TNNI3K: variants seen among roughly 807,000 people sequenced by gnomAD.
TNNI3K encodes the protein serine/threonine-protein kinase TNNI3K.
A neutral mutation model predicts 114.5 loss-of-function variants in TNNI3K; 140 were observed. The ratio of observed to expected loss-of-function variants is 1.22; its 90% CI spans 1.07 to 1.41. TNNI3K has a LOEUF of 1.41. Among genes scored for constraint, TNNI3K ranks in the 40% most tolerant of loss-of-function variants. The pLI is 0.00. For synonymous variants in TNNI3K, 347 were observed against 347.5 expected (o/e 1.00, Z 0.02); for missense variants, 1,125 against 1,007.6 (o/e 1.12, Z -1.58).
At chr1:74,284,846 C>T (rs1004698901) in intron 5 of TNNI3K, among the ~76,000 whole-genome samples, 1 of 152,228 alleles carries the variant, frequency 6.6e-6, no homozygotes, top group Non-Finnish European at 1.5e-5. Context: ...TGGGCTAACT[C>T]CTTCAGCTCT....
chr1:74,442,077 G>C (rs1362743149), intron 20 of TNNI3K, among the ~76,000 whole-genome samples: 1 of 151,718 alleles, frequency 6.6e-6, no homozygotes, highest in Non-Finnish European at 1.5e-5. Flanking sequence ...AAGTCTTACA[G>C]GTTTAGGTTT....
chr1:74,499,810 T>C (rs1365032996), intron 23 of TNNI3K, among the ~76,000 whole-genome samples: 2 of 152,282 alleles, frequency 1.3e-5, no homozygotes, highest in Admixed American at 1.3e-4. Context: ...ATTTAGATGT[T>C]CTTTAATATC....
intron 17 of TNNI3K, among the ~76,000 whole-genome samples, chr1:74,391,973 T>A (rs1457699802): frequency 2.8e-5 from 4 of 143,360 alleles, no homozygotes; most frequent in Non-Finnish European, 6.1e-5. Context: ...TTTTTTTTTT[T>A]TTTTTTTTTT....
intron 11 of TNNI3K, among the ~76,000 whole-genome samples, chr1:74,359,511 T>G (rs1661841262): frequency 6.6e-6 from 1 of 152,004 alleles, no homozygotes; most frequent in Admixed American, 6.6e-5. Context: ...TAAAAGTGTG[T>G]GTTGTTTTGT....
chr1:74,240,564 A>G (rs1473261421), intron 2 of TNNI3K: 3 of 152,174 alleles, frequency 2.0e-5, no homozygotes, highest in African/African-American at 7.2e-5. Context: ...ATATTATACA[A>G]CCTTTTTGAA....
In TNNI3K at chr1:74,527,577, C is replaced by T. The variant is rs559157976; in HGVS notation, c.2352-12657C>T. On this transcript the variant is annotated intron_variant, in intron 23 of 24. Coordinates refer to ENST00000326637, the MANE Select transcript of TNNI3K (RefSeq NM_015978.3). Reference sequence around the variant, plus strand: ...TGGTGGATAGGGAGGGGAGACAGGGCAGACAGGGACAAGATGAAGTTCCAG... The same window carrying T: ...TGGTGGATAGGGAGGGGAGACAGGGTAGACAGGGACAAGATGAAGTTCCAG... Among the ~76,000 whole-genome samples, 9 of 152,196 alleles carry T rather than the reference C, an allele frequency of 5.9e-5. No homozygotes were observed. In the East Asian group the frequency reaches 1.7e-3, roughly 29 times the overall value.
At chr1:74,369,639 G>T in intron 16 of TNNI3K, 54 bp downstream of exon 16, 1 of 1,506,088 alleles carries the variant, frequency 6.6e-7, no homozygotes. Context: ...AACTACTCTT[G>T]CAATACTTCA....
At chr1:74,412,836 A>G (rs1335692475) in intron 17 of TNNI3K, among the ~76,000 whole-genome samples, 2 of 151,960 alleles carry the variant, frequency 1.3e-5, no homozygotes, top group Non-Finnish European at 2.9e-5. Context: ...CTGGCGTCGA[A>G]CTCCTGACCT....
At chr1:74,290,201 A>T (rs1055826717) in intron 5 of TNNI3K, among the ~76,000 whole-genome samples, 2 of 97,732 alleles carry the variant, frequency 2.0e-5, no homozygotes, top group Admixed American at 1.4e-4. Context: ...GTATTTTGCC[A>T]TTCTATATTT....
intron 4 of TNNI3K, among the ~76,000 whole-genome samples, chr1:74,261,388 G>A (rs2100871760): frequency 6.6e-6 from 1 of 152,124 alleles, no homozygotes; most frequent in South Asian, 2.1e-4. Flanking sequence ...ATGAACTGAA[G>A]CCGCCAGTGT....
At chr1:74,516,432 A>G (rs1174302028) in intron 23 of TNNI3K, among the ~76,000 whole-genome samples, 3 of 152,236 alleles carry the variant, frequency 2.0e-5, no homozygotes, top group Non-Finnish European at 2.9e-5. Context: ...TCCGTACAAT[A>G]CAAGGCATGA....
intron 23 of TNNI3K, among the ~76,000 whole-genome samples, chr1:74,538,864 T>C (rs1646692444): frequency 6.6e-6 from 1 of 152,126 alleles, no homozygotes; most frequent in Non-Finnish European, 1.5e-5. Flanking sequence ...AAGAAGCATT[T>C]AGCAAAAGAT....
At chr1:74,420,672 T>C (rs190926574) in intron 17 of TNNI3K, among the ~76,000 whole-genome samples, 6 of 152,260 alleles carry the variant, frequency 3.9e-5, no homozygotes, top group African/African-American at 1.2e-4. Flanking sequence ...ACTCAAGCCA[T>C]AACAAGGCAA....
chr1:74,541,656 AAAG>A (rs1382397604), intron 24 of TNNI3K: 4 of 152,206 alleles, frequency 2.6e-5, no homozygotes, highest in African/African-American at 9.7e-5. Context: ...TTTGTTTCTT[AAAG>A]AAGAATTCCC....
At chr1:74,243,779 T>G (rs1429603067) in intron 2 of TNNI3K, among the ~76,000 whole-genome samples, 1 of 152,178 alleles carries the variant, frequency 6.6e-6, no homozygotes, top group African/African-American at 2.4e-5. Flanking sequence ...GCATTTACTA[T>G]TAGAAATATA....
chr1:74,271,836 T>G, intron 5 of TNNI3K, 128 bp downstream of exon 5: 1 of 674,692 alleles, frequency 1.5e-6, no homozygotes, highest in Non-Finnish European at 2.4e-6. Context: ...CTGAACACAT[T>G]GGGGTAAAAT....
intron 20 of TNNI3K, among the ~76,000 whole-genome samples, chr1:74,446,737 C>A (rs1371840424): frequency 1.4e-5 from 2 of 142,838 alleles, no homozygotes; most frequent in African/African-American, 5.3e-5. Context: ...AGGAAGGGAT[C>A]CAGTTTCAGC....
chr1:74,324,626 C>A (rs551440609), intron 5 of TNNI3K, among the ~76,000 whole-genome samples: 1 of 152,084 alleles, frequency 6.6e-6, no homozygotes, highest in African/African-American at 2.4e-5. Context: ...GGCAGCACAC[C>A]TTACAGGGCC....
intron 17 of TNNI3K, 121 bp from the exon 18 acceptor site, chr1:74,435,959 G>T: frequency 7.8e-7 from 1 of 1,285,522 alleles, no homozygotes; most frequent in South Asian, 1.8e-5. Context: ...GCCCTTTGGG[G>T]CCCATTTATT....
Sources: allele counts gnomAD v4.1 joint callset (sites outside exome capture counted in the v4.1 genomes callset), GRCh38; gene constraint gnomAD v4.1.1; transcripts MANE v1.5; gene names NCBI Gene and HGNC (gene_info 2026-07-23, HGNC 2026-07-21).